IFNAR1: variants seen among roughly 807,000 people sequenced by gnomAD.
IFNAR1 encodes the protein interferon alpha/beta receptor 1.
IFNAR1 carries 47 observed loss-of-function variants against 62.1 expected under a neutral mutation model. That is an observed-to-expected ratio of 0.76 (90% CI 0.60 to 0.97). The LOEUF is 0.97. Ranked by LOEUF, IFNAR1 falls within the 50% of genes least tolerant of loss-of-function variation. IFNAR1 has a pLI of 0.00. For missense variants in IFNAR1, 638 were observed against 654.5 expected (o/e 0.97, Z 0.27); for synonymous variants, 219 against 226.9 (o/e 0.97, Z 0.31).
Position 33,343,344 on chromosome 21 carries a change from A to G in IFNAR1, c.453A>G (p.Lys151=). Residue 151 remains lysine (K), a synonymous_variant, in exon 4 of 11, where the codon AAA becomes AAG. Coordinates refer to ENST00000270139, the MANE Select transcript of IFNAR1 (RefSeq NM_000629.3). ...TGATACACATCTCTCCTGGAACAAA[A>G]GATAGTGTTATGTGGGCTTTGGATG... ...AIVIHISPGT[K]DSVMWALDGL... 6.2e-7 allele frequency: 1 copy of G among 1,612,568 alleles called. No individual in the cohort carries two copies.
chr21:33,332,009 T>C (rs1286441239), intron 1 of IFNAR1, among the ~76,000 whole-genome samples: 1 of 152,008 alleles, frequency 6.6e-6, no homozygotes, highest in African/African-American at 2.4e-5. Context: ...CAACCAAGTG[T>C]CTCAGTAGGT....
intron 8 of IFNAR1, among the ~76,000 whole-genome samples, chr21:33,351,529 A>AT (rs1378485166): frequency 1.3e-5 from 2 of 150,104 alleles, no homozygotes; most frequent in Non-Finnish European, 3.0e-5. Context: ...TGTTATCTAT[A>AT]TTTTTTTATT....
intron 9 of IFNAR1, among the ~76,000 whole-genome samples, chr21:33,353,312 C>T (rs1030501226): frequency 3.3e-5 from 5 of 151,950 alleles, no homozygotes; most frequent in Non-Finnish European, 2.9e-5. Flanking sequence ...TAGTGTTGAC[C>T]GGTAGAGGCT....
chr21:33,340,522 C>T (rs969547359), intron 2 of IFNAR1, among the ~76,000 whole-genome samples: 21 of 150,842 alleles, frequency 1.4e-4, no homozygotes, highest in Non-Finnish European at 2.7e-4. Context: ...CCATGCCCTG[C>T]TTTGCCTTTT....
Position 33,349,228 on chromosome 21 carries a change from C to T in IFNAR1, c.926C>T (p.Ala309Val). ...QKGIYLLRVQ[A>V]SDGNNTSFWS... The stretch of plus-strand genomic sequence containing the variant: ...GGAATTTACCTTCTCCGCGTACAAG[C>T]ATCTGATGGAAATAACACATCTTTT... The change falls in exon 7 of 11, where the codon GCA (alanine) becomes GTA (valine). Residue 309 changes from alanine to valine, a missense_variant. By Grantham distance (64) the Ala-to-Val change is moderately conservative (BLOSUM62 0). Coordinates refer to ENST00000270139, the MANE Select transcript of IFNAR1 (RefSeq NM_000629.3). 1 of 1,613,354 alleles carries T rather than the reference C, an allele frequency of 6.2e-7. No individual in the cohort carries two copies. Among genetic ancestry groups the T allele is most frequent in the Non-Finnish European group, 8.5e-7 (1 of 1,179,472 alleles).
Position 33,345,372 on chromosome 21 carries a change from TC to T in IFNAR1, c.788+14del. ...GTTCAGTGGCTCCAGTAAGTTCCAT[TC>T]CATAAATTTCCTTTTGCCCAGTTTG... On this transcript the variant is annotated intron_variant, in intron 6 of 10. Coordinates refer to ENST00000270139, the MANE Select transcript of IFNAR1 (RefSeq NM_000629.3). The T allele has an allele frequency of 7.3e-7, 1 of 1,377,058 alleles. No individual in the cohort carries two copies. The highest frequency in any genetic ancestry group is 1.0e-6 in the Non-Finnish European group (1 of 964,792). 85.3% of individuals were successfully genotyped at this position (1,377,058 alleles called of 1,614,324 possible).
intron 2 of IFNAR1, among the ~76,000 whole-genome samples, chr21:33,338,830 C>A (rs2083268380): frequency 6.6e-6 from 1 of 151,608 alleles, no homozygotes; most frequent in Non-Finnish European, 1.5e-5. Flanking sequence ...GCAACCTCCG[C>A]CTCCCGGGTT....
chr21:33,324,945 A>G, upstream of IFNAR1: 1 of 891,802 alleles, frequency 1.1e-6, no homozygotes, highest in Non-Finnish European at 1.8e-6. Flanking sequence ...GAGAGCTAAG[A>G]GGGGCAGCGC....
chr21:33,353,027 A>G (rs1398593241), intron 9 of IFNAR1, 119 bp downstream of exon 9: 1 of 636,222 alleles, frequency 1.6e-6, no homozygotes, highest in Admixed American at 3.5e-5. Flanking sequence ...TATAGAAAGA[A>G]TGTTTTCTTC....
upstream of IFNAR1, chr21:33,324,892 G>GGGGTGTGT: frequency 7.0e-6 from 4 of 571,058 alleles, no homozygotes; most frequent in Non-Finnish European, 1.3e-5. Context: ...GCGGAGGGGC[G>GGGGTGTGT]GTGTGTGTGT....
chr21:33,350,357 A>T (rs2083387496), intron 8 of IFNAR1, among the ~76,000 whole-genome samples: 1 of 151,896 alleles, frequency 6.6e-6, no homozygotes, highest in Admixed American at 6.6e-5. Flanking sequence ...GGACAAAAGA[A>T]TTTATGTAGT....
chr21:33,337,640 T>C (rs961726084), intron 2 of IFNAR1, among the ~76,000 whole-genome samples: 5 of 51,026 alleles, frequency 9.8e-5, no homozygotes, highest in Admixed American at 2.0e-4. Context: ...ATATACACTA[T>C]ATATATACAT....
At chr21:33,324,892 G>GGTGTGTGT (rs36158718), upstream of IFNAR1, 69,028 of 570,732 alleles carry the variant, frequency 0.12, 3,772 homozygotes, top group African/African-American at 0.14. Context: ...GCGGAGGGGC[G>GGTGTGTGT]GTGTGTGTGT....
At chr21:33,329,485 G>A (rs2083156857) in intron 1 of IFNAR1, among the ~76,000 whole-genome samples, 1 of 151,862 alleles carries the variant, frequency 6.6e-6, no homozygotes. Flanking sequence ...AAAAAAAAGT[G>A]TTTTCTCAGC....
Position 33,325,101 on chromosome 21 carries a change from G to T in IFNAR1, c.46G>T (p.Val16Leu), listed in dbSNP as rs866787077. ...CGCGACGACCCTAGTGCTCGTCGCC[G>T]TGGCGCCATGGGTGTTGTCCGCAGC... ...LGATTLVLVA[V>L]APWVLSAAAG... Residue 16 changes from valine (V) to leucine (L), a missense_variant, in exon 1 of 11, where the codon GTG (valine) becomes TTG (leucine). Physicochemically the swap from Val to Leu is conservative, Grantham distance 32. Coordinates refer to ENST00000270139, the MANE Select transcript of IFNAR1 (RefSeq NM_000629.3). 6.2e-7 allele frequency: 1 copy of T among 1,611,436 alleles called. No individual in the cohort carries two copies. The highest frequency in any genetic ancestry group is 8.5e-7 in the Non-Finnish European group (1 of 1,179,502).
rs1202998421 is a variant in IFNAR1, at chr21:33,343,592, A to C, written c.589A>C (p.Thr197Pro). The change falls in exon 5 of 11, where the codon ACT (threonine) becomes CCT (proline). Residue 197 changes from threonine to proline, a missense_variant. Coordinates refer to ENST00000270139, the MANE Select transcript of IFNAR1 (RefSeq NM_000629.3). The stretch of plus-strand genomic sequence containing the variant: ...AATTTATAAACTCTCACCAGAGACT[A>C]CTTATTGTCTAAAAGTTAAAGCAGC... ...HKIYKLSPETTYCLKVKAALL... is the reference protein window; with the variant it reads ...HKIYKLSPETPYCLKVKAALL... 1 of 1,567,186 alleles carries C rather than the reference A, an allele frequency of 6.4e-7. No individual in the cohort carries two copies. The highest frequency in any genetic ancestry group is 8.8e-7 in the Non-Finnish European group (1 of 1,137,430).
At chr21:33,343,953 C>T (rs145597078) in intron 5 of IFNAR1, among the ~76,000 whole-genome samples, 13 of 152,256 alleles carry the variant, frequency 8.5e-5, no homozygotes, top group African/African-American at 2.9e-4. Context: ...GCCAGAAGTT[C>T]GAGAACAGCC....
chr21:33,325,682 T>C (rs2083120220), intron 1 of IFNAR1, among the ~76,000 whole-genome samples: 4 of 152,160 alleles, frequency 2.6e-5, no homozygotes, highest in Admixed American at 2.6e-4. Flanking sequence ...CACAAACACG[T>C]CTGTGACTGG....
intron 1 of IFNAR1, among the ~76,000 whole-genome samples, chr21:33,333,633 T>C (rs1460817144): frequency 7.0e-6 from 1 of 143,064 alleles, no homozygotes; most frequent in Non-Finnish European, 1.5e-5. Context: ...TTTCTTTTTT[T>C]TTTTTTTTGA....
Sources: allele counts gnomAD v4.1 joint callset (sites outside exome capture counted in the v4.1 genomes callset), GRCh38; gene constraint gnomAD v4.1.1; transcripts MANE v1.5; gene names NCBI Gene and HGNC (gene_info 2026-07-23, HGNC 2026-07-21).